The following SORCS3 variants were observed in gnomAD, a reference collection of about 807,000 sequenced individuals.
SORCS3 encodes the protein sortilin related VPS10 domain containing receptor 3, also known as VPS10 domain-containing receptor SorCS3.
SORCS3 carries 57 observed loss-of-function variants against 146.3 expected under a neutral mutation model. The ratio of observed to expected loss-of-function variants is 0.39; its 90% CI spans 0.31 to 0.49. The LOEUF (loss-of-function observed/expected upper bound fraction) is 0.49, where lower values mean the gene tolerates loss of function less well. SORCS3 is among the 20% of genes least tolerant of loss of function. The probability of loss-of-function intolerance (pLI) is 0.92; values close to 1 mark genes in which losing one functional copy is unlikely to be tolerated. For synonymous variants in SORCS3, 653 were observed against 618.5 expected (o/e 1.06, Z -0.83); for missense variants, 1,341 against 1,575.5 (o/e 0.85, Z 2.52).
At chr10:104,672,310 T>G (rs2015864759) in intron 1 of SORCS3, among the ~76,000 whole-genome samples, 1 of 152,158 alleles carries the variant, frequency 6.6e-6, no homozygotes. Flanking sequence ...GAATCAATAG[T>G]AATGTTTCCA....
At chr10:104,642,072 T>A in intron 1 of SORCS3, 118 bp downstream of exon 1, 1 of 1,211,444 alleles carries the variant, frequency 8.3e-7, no homozygotes, top group Non-Finnish European at 1.1e-6. Flanking sequence ...ACGCCTCGAC[T>A]TTTCGAGATA....
intron 1 of SORCS3, among the ~76,000 whole-genome samples, chr10:104,703,702 A>G (rs538012839): frequency 6.1e-5 from 8 of 131,480 alleles, no homozygotes; most frequent in Non-Finnish European, 9.4e-5. Flanking sequence ...CATTCTGCAC[A>G]TGTATCCTGT....
intron 4 of SORCS3, among the ~76,000 whole-genome samples, chr10:105,039,415 C>A (rs1175022949): frequency 6.6e-6 from 1 of 150,618 alleles, no homozygotes; most frequent in South Asian, 2.1e-4. Context: ...GTGAAACAGG[C>A]CTGAGTGAGG....
intron 3 of SORCS3, among the ~76,000 whole-genome samples, chr10:104,956,822 C>G (rs2019497673): frequency 6.6e-6 from 1 of 152,008 alleles, no homozygotes; most frequent in African/African-American, 2.4e-5. Context: ...GATTCTAAAC[C>G]CAAAGGTGAT....
intron 3 of SORCS3, among the ~76,000 whole-genome samples, chr10:104,953,014 C>T (rs1275934205): frequency 6.6e-6 from 1 of 152,182 alleles, no homozygotes; most frequent in Non-Finnish European, 1.5e-5. Context: ...GAGGAAAAGA[C>T]ACGCACCTTC....
intron 3 of SORCS3, among the ~76,000 whole-genome samples, chr10:104,967,691 G>C (rs1043409832): frequency 6.6e-6 from 1 of 151,992 alleles, no homozygotes; most frequent in Non-Finnish European, 1.5e-5. Context: ...TTTTTGGTTG[G>C]GGGGATGGGG....
At chr10:105,029,597 C>G (rs867601755) in intron 4 of SORCS3, among the ~76,000 whole-genome samples, 2 of 152,238 alleles carry the variant, frequency 1.3e-5, no homozygotes, top group African/African-American at 4.8e-5. Flanking sequence ...GTCTTCCAAT[C>G]TCCTTTGTCA....
chr10:104,874,520 A>G (rs1275029901), intron 2 of SORCS3, among the ~76,000 whole-genome samples: 2 of 152,136 alleles, frequency 1.3e-5, no homozygotes, highest in Non-Finnish European at 2.9e-5. Flanking sequence ...TAGTTCACCA[A>G]AATTTCAGAA....
intron 5 of SORCS3, among the ~76,000 whole-genome samples, chr10:105,088,103 G>A (rs953966067): frequency 6.6e-6 from 1 of 152,238 alleles, no homozygotes; most frequent in Non-Finnish European, 1.5e-5. Context: ...CACTAGGGAA[G>A]GAGAGGGGCA....
intron 1 of SORCS3, among the ~76,000 whole-genome samples, chr10:104,791,491 G>A (rs1165904360): frequency 6.6e-6 from 1 of 152,196 alleles, no homozygotes; most frequent in Non-Finnish European, 1.5e-5. Context: ...TGAGGTTCAA[G>A]GATCTAAGAC....
chr10:105,066,001 C>T (rs1349623), intron 5 of SORCS3, among the ~76,000 whole-genome samples: 8,961 of 152,222 alleles, frequency 0.059, 283 homozygotes, highest in Middle Eastern at 0.088. Flanking sequence ...TAAAGGATTT[C>T]TATTTCCCAA....
intron 7 of SORCS3, among the ~76,000 whole-genome samples, chr10:105,114,115 A>C (rs373024863): frequency 1.1e-4 from 17 of 152,290 alleles, no homozygotes; most frequent in East Asian, 7.7e-4. Context: ...AATGTGATGA[A>C]GAAACAAGAA....
chr10:104,749,525 G>A (rs181526479), intron 1 of SORCS3, among the ~76,000 whole-genome samples: 17 of 152,200 alleles, frequency 1.1e-4, no homozygotes, highest in South Asian at 6.2e-4. Flanking sequence ...AGTTTAGTGC[G>A]TTCTTATTGT....
intron 4 of SORCS3, among the ~76,000 whole-genome samples, chr10:104,983,476 C>G (rs1246776507): frequency 3.3e-5 from 5 of 152,118 alleles, no homozygotes; most frequent in South Asian, 2.1e-4. Context: ...GCAACAGTAC[C>G]TTTCCCAAAG....
chr10:104,814,393 C>G (rs2017773333), intron 1 of SORCS3, among the ~76,000 whole-genome samples: 1 of 152,208 alleles, frequency 6.6e-6, no homozygotes, highest in African/African-American at 2.4e-5. Flanking sequence ...CCCTCAGCAA[C>G]CCTGAACTAA....
intron 4 of SORCS3, among the ~76,000 whole-genome samples, chr10:105,018,955 C>A (rs2055183668): frequency 6.6e-6 from 1 of 152,144 alleles, no homozygotes; most frequent in African/African-American, 2.4e-5. Flanking sequence ...TTCTTCCTGT[C>A]ACTATCTTGG....
intron 1 of SORCS3, among the ~76,000 whole-genome samples, chr10:104,802,471 A>G (rs988121051): frequency 6.6e-6 from 1 of 152,218 alleles, no homozygotes; most frequent in Non-Finnish European, 1.5e-5. Flanking sequence ...TTTCCCCAAA[A>G]AAGTAATTGA....
At chr10:105,186,094 G>A (rs2056473851) in intron 14 of SORCS3, among the ~76,000 whole-genome samples, 1 of 152,132 alleles carries the variant, frequency 6.6e-6, no homozygotes, top group Non-Finnish European at 1.5e-5. Context: ...ACATCTTTAT[G>A]TATGCCTCCA....
intron 17 of SORCS3, 134 bp from the exon 18 acceptor site, chr10:105,214,308 C>A: frequency 1.1e-6 from 1 of 902,368 alleles, no homozygotes; most frequent in South Asian, 1.6e-5. Flanking sequence ...GACTTGGTTT[C>A]CAGGGGCCGC....
Sources: gnomAD v4.1 joint callset for allele counts (sites outside exome capture counted in the v4.1 genomes callset) on GRCh38, gnomAD v4.1.1 for gene constraint, MANE v1.5 for transcripts, NCBI Gene and HGNC (gene_info 2026-07-23, HGNC 2026-07-21) for gene names.